Variants in ANK2 observed in about 807,000 individuals in gnomAD.
The protein encoded by ANK2 is ankyrin 2, also known as ankyrin-2.
A neutral mutation model predicts 360.5 loss-of-function variants in ANK2; 83 were observed. The observed-to-expected ratio is 0.23, with a 90% CI of 0.19 to 0.28. The LOEUF (loss-of-function observed/expected upper bound fraction) is 0.28, where lower values mean the gene tolerates loss of function less well. Ranked by LOEUF, ANK2 falls within the 10% of genes least tolerant of loss-of-function variation. The pLI is 1.00. For missense variants in ANK2, 4,201 were observed against 4,795.7 expected (o/e 0.88, Z 3.66); for synonymous variants, 1,740 against 1,759.5 (o/e 0.99, Z 0.28).
intron 45 of ANK2, among the ~76,000 whole-genome samples, chr4:113,381,226 T>A (rs904677685): frequency 7.3e-5 from 11 of 151,224 alleles, no homozygotes; most frequent in African/African-American, 2.7e-4. Flanking sequence ...TAAAAAATAC[T>A]CCTTGTTCCA....
At chr4:112,968,389 C>G (rs529449361) in intron 2 of ANK2, among the ~76,000 whole-genome samples, 51 of 152,296 alleles carry the variant, frequency 3.3e-4, no homozygotes, top group African/African-American at 1.2e-3. Context: ...ATGCCACACC[C>G]TTGGCTGAAG....
intron 2 of ANK2, among the ~76,000 whole-genome samples, chr4:112,929,799 C>A (rs1313549205): frequency 6.6e-6 from 1 of 152,186 alleles, no homozygotes; most frequent in Non-Finnish European, 1.5e-5. Context: ...TCTCTGAGGA[C>A]CACAATCCTA....
chr4:113,369,720 G>A lies in ANK2; in HGVS notation c.11525G>A (p.Arg3842Gln), dbSNP rs770954138. Residue 3842 changes from arginine to glutamine, a missense_variant, in exon 43 of 46, where the codon CGG becomes CAG. Transcript: ENST00000357077. Reference sequence around the variant, plus strand: ...GAGCACAGAGAGGAGAGCTCTCCGCGGAAAACCAGCCTCGTAATAGTGGAG... The same window carrying A: ...GAGCACAGAGAGGAGAGCTCTCCGCAGAAAACCAGCCTCGTAATAGTGGAG... ...PSEHREESSP[R>Q]KTSLVIVESA... 3.5e-5 allele frequency: 56 copies of A among 1,613,952 alleles called. No homozygotes were observed. The highest frequency in any genetic ancestry group is 8.0e-5 in the African/African-American group (6 of 74,900).
chr4:112,780,215 A>G, the ANK2 span, among the ~76,000 whole-genome samples: 1 of 151,824 alleles, frequency 6.6e-6, no homozygotes, highest in Non-Finnish European at 1.5e-5. Flanking sequence ...GTCAGTGAAA[A>G]CTCTGCAGCA....
chr4:112,790,084 C>G, the ANK2 span, among the ~76,000 whole-genome samples: 1 of 152,032 alleles, frequency 6.6e-6, no homozygotes, highest in Non-Finnish European at 1.5e-5. Flanking sequence ...CTGAGGAGCT[C>G]CCCAGGTACC....
At chr4:112,717,339 C>T in the ANK2 span, among the ~76,000 whole-genome samples, 30 of 152,186 alleles carry the variant, frequency 2.0e-4, no homozygotes, top group African/African-American at 6.7e-4. Context: ...TATTTTCCTA[C>T]AAGTTTTATG....
At chr4:113,290,804 G>A (rs552033091) in intron 20 of ANK2, among the ~76,000 whole-genome samples, 159 of 152,334 alleles carry the variant, frequency 1.0e-3, no homozygotes, top group Non-Finnish European at 1.7e-3. Flanking sequence ...GCTTAGAGAG[G>A]ATTAAGGGTT....
intron 2 of ANK2, among the ~76,000 whole-genome samples, chr4:112,946,454 C>T (rs888160426): frequency 1.7e-4 from 26 of 152,210 alleles, no homozygotes; most frequent in African/African-American, 4.3e-4. Flanking sequence ...TTGATTAAGG[C>T]GCAGACAGCT....
rs2154053559 is a variant in ANK2 at position 113,365,163 on chromosome 4, T to C, written c.11013T>C (p.Ile3671=). The stretch of plus-strand genomic sequence containing the variant: ...GTTATGCAGAAATTGAACAGACCAT[T>C]ACACTGGATCATAGTGAAGGTCAAA... The part of the protein sequence containing the change: ...SHSYAEIEQT[I]TLDHSEGFSV... The change falls in exon 41 of 46, where the codon ATT becomes ATC. Residue 3671 remains isoleucine (I), a synonymous_variant. Transcript: ENST00000357077. The C allele has an allele frequency of 6.2e-7, 1 of 1,613,490 alleles. No homozygotes were observed. The highest frequency in any genetic ancestry group is 8.5e-7 in the Non-Finnish European group (1 of 1,179,848).
intron 4 of ANK2, among the ~76,000 whole-genome samples, chr4:113,222,391 A>ATTTTT (rs397880062): frequency 2.4e-5 from 3 of 122,476 alleles, no homozygotes; most frequent in African/African-American, 9.6e-5. Context: ...CTCTGAAACA[A>ATTTTT]TTTTTTTTTT....
intron 1 of ANK2, among the ~76,000 whole-genome samples, chr4:113,170,042 T>C (rs1309643015): frequency 2.0e-5 from 3 of 152,224 alleles, no homozygotes; most frequent in Non-Finnish European, 4.4e-5. Context: ...CAAACTATTC[T>C]TAATAACTTT....
chr4:112,818,891 T>G (rs76753897), intron 1 of ANK2, among the ~76,000 whole-genome samples: 2 of 152,170 alleles, frequency 1.3e-5, no homozygotes, highest in African/African-American at 2.4e-5. Context: ...CTTTCTCCCT[T>G]TCCCAGCTAG....
chr4:113,177,227 C>T (rs577859823), intron 2 of ANK2, among the ~76,000 whole-genome samples: 10 of 152,018 alleles, frequency 6.6e-5, no homozygotes, highest in African/African-American at 2.4e-4. Context: ...ACTACAGGCG[C>T]CCGCCACCAC....
Position 113,301,713 on chromosome 4 carries a change from T to A in ANK2, c.2476-1054T>A, listed in dbSNP as rs140323727. Among the ~76,000 whole-genome samples the A allele has an allele frequency of 3.2e-4, 49 of 152,290 alleles. No homozygotes were observed. The East Asian group carries it at 7.3e-3, about 23-fold the overall frequency. ...CTGTGAGTTTTTTAGATTCCACATA[T>A]AAGTGAGATTATGCAGTATTTGTCT... On this transcript the variant is annotated intron_variant, in intron 22 of 45. Transcript: ENST00000357077.
intron 1 of ANK2, among the ~76,000 whole-genome samples, chr4:112,880,039 CACAG>C (rs2076258881): frequency 6.7e-6 from 1 of 149,324 alleles, no homozygotes; most frequent in African/African-American, 2.5e-5. Flanking sequence ...CCCAGTAGGA[CACAG>C]ACACTCACAC....
intron 1 of ANK2, chr4:113,151,146 T>C (rs747557920): frequency 5.4e-6 from 7 of 1,286,302 alleles, no homozygotes; most frequent in Non-Finnish European, 7.1e-6. Context: ...AAAAAAACAC[T>C]TCTAAAAACA....
At chr4:112,709,471 G>C in the ANK2 span, among the ~76,000 whole-genome samples, 6 of 152,220 alleles carry the variant, frequency 3.9e-5, no homozygotes, top group African/African-American at 1.4e-4. Flanking sequence ...ATTGAAGGCC[G>C]GGCACAGTGG....
At position 113,358,268 on chromosome 4, in the gene ANK2, C is replaced by G; in HGVS notation, c.9650C>G (p.Ala3217Gly). ...SASTETPTKE[A>G]VSVGTKDLPT... ...TCCACTGAAACACCTACAAAAGAAGCTGTTAGTGTAGGGACCAAGGACCTC... is the reference window on the plus strand; with the variant it reads ...TCCACTGAAACACCTACAAAAGAAGGTGTTAGTGTAGGGACCAAGGACCTC... The change falls in exon 38 of 46, where the codon GCT becomes GGT. Residue 3217 changes from alanine (A) to glycine (G), a missense_variant. Ala to Gly is a moderately conservative substitution (Grantham distance 60). Around this residue, in one of 4 missense-constraint regions of ANK2, gnomAD observed 2,642 missense variants for 2,714.5 expected, o/e 0.97. Coordinates refer to ENST00000357077, the MANE Select transcript of ANK2 (RefSeq NM_001148.6). The G allele has an allele frequency of 6.2e-7, 1 of 1,614,040 alleles. No homozygotes were observed. The highest frequency in any genetic ancestry group is 8.5e-7 in the Non-Finnish European group (1 of 1,179,952).
chr4:113,294,851 A>G (rs2070171911), intron 22 of ANK2, among the ~76,000 whole-genome samples: 1 of 152,140 alleles, frequency 6.6e-6, no homozygotes, highest in African/African-American at 2.4e-5. Context: ...ACTATATTTA[A>G]TGGCTTTTTC....
Sources: allele counts gnomAD v4.1 joint callset (sites outside exome capture counted in the v4.1 genomes callset), GRCh38; gene constraint gnomAD v4.1.1; regional missense constraint gnomAD v4.1.1; transcripts MANE v1.5; gene names NCBI Gene and HGNC (gene_info 2026-07-23, HGNC 2026-07-21).